FKBP5: variants seen among roughly 807,000 people sequenced by gnomAD.
The protein encoded by FKBP5 is peptidyl-prolyl cis-trans isomerase FKBP5.
In FKBP5, 23 loss-of-function variants were observed where a neutral mutation model predicts 50.5. The observed-to-expected ratio is 0.46, with a 90% confidence interval of 0.33 to 0.65. The LOEUF (loss-of-function observed/expected upper bound fraction) is 0.65, where lower values mean the gene tolerates loss of function less well. Ranked by LOEUF, FKBP5 falls within the 30% of genes least tolerant of loss-of-function variation. The pLI, the probability that FKBP5 is intolerant of heterozygous loss-of-function variation, is 0.02. For missense variants in FKBP5, 411 were observed against 553.1 expected, an observed-to-expected ratio of 0.74 and a Z score of 2.58; for synonymous variants, 176 against 190.6, an observed-to-expected ratio of 0.92 and a Z score of 0.63.
intron 6 of FKBP5, among the ~76,000 whole-genome samples, chr6:35,591,850 C>T (rs1762831149): frequency 6.6e-6 from 1 of 152,188 alleles, no homozygotes; most frequent in Admixed American, 6.5e-5. Flanking sequence ...CTAGCAAGTT[C>T]TGACACCTCC....
chr6:35,671,177 T>C (rs1765376492), intron 1 of FKBP5, among the ~76,000 whole-genome samples: 1 of 151,750 alleles, frequency 6.6e-6, no homozygotes. Context: ...GGTGGAAGGA[T>C]TGCTTGAGCC....
At chr6:35,701,724 A>G (rs568068370) in intron 2 of FKBP5, among the ~76,000 whole-genome samples, 32 of 151,432 alleles carry the variant, frequency 2.1e-4, no homozygotes, top group Non-Finnish European at 4.6e-4. Flanking sequence ...TATTTTTTGT[A>G]GAGACAGGGT....
At chr6:35,651,149 T>C (rs1300817620) in intron 1 of FKBP5, among the ~76,000 whole-genome samples, 1 of 152,192 alleles carries the variant, frequency 6.6e-6, no homozygotes, top group Non-Finnish European at 1.5e-5. Context: ...TTTGCTTATA[T>C]ATAGAAGAAG....
intron 2 of FKBP5, among the ~76,000 whole-genome samples, chr6:35,640,087 G>C (rs947384014): frequency 6.6e-6 from 1 of 152,216 alleles, no homozygotes; most frequent in African/African-American, 2.4e-5. Flanking sequence ...ACGTGAAAAT[G>C]ATTAACTATA....
chr6:35,694,323 T>G (rs925953164), intron 2 of FKBP5, among the ~76,000 whole-genome samples: 3 of 151,964 alleles, frequency 2.0e-5, no homozygotes, highest in African/African-American at 7.3e-5. Flanking sequence ...TTTTTTTTAT[T>G]TGTAGCGACA....
intron 1 of FKBP5, among the ~76,000 whole-genome samples, chr6:35,683,022 A>G (rs923955739): frequency 2.0e-5 from 3 of 151,474 alleles, no homozygotes; most frequent in Non-Finnish European, 4.4e-5. Context: ...GTGTGTATAT[A>G]TATGTCTCTT....
At chr6:35,586,859 T>TC (rs201661401) in intron 8 of FKBP5, 175 bp downstream of exon 8, 1 of 1,445,354 alleles carries the variant, frequency 6.9e-7, no homozygotes, top group East Asian at 2.5e-5. Context: ...TTTTTTTTTT[T>TC]CCACATGATT....
chr6:35,583,741 T>A, intron 8 of FKBP5: 1 of 973,320 alleles, frequency 1.0e-6, no homozygotes, highest in Non-Finnish European at 1.2e-6. Flanking sequence ...CTCCAAATGT[T>A]GATAGTACTG....
At chr6:35,578,768 CA>C (rs11376572) in intron 9 of FKBP5, among the ~76,000 whole-genome samples, 73 of 134,840 alleles carry the variant, frequency 5.4e-4, no homozygotes, top group Non-Finnish European at 5.5e-4. Flanking sequence ...ACTCCATCTC[CA>C]AAAAAAAAAA....
chr6:35,592,410 T>C (rs969092259), intron 6 of FKBP5, among the ~76,000 whole-genome samples: 9 of 152,134 alleles, frequency 5.9e-5, no homozygotes, highest in Admixed American at 5.2e-4. Context: ...AAAAGAGGAA[T>C]AGAGATACGA....
At chr6:35,601,984 G>A (rs1382611010) in intron 5 of FKBP5, among the ~76,000 whole-genome samples, 1 of 152,198 alleles carries the variant, frequency 6.6e-6, no homozygotes, top group Non-Finnish European at 1.5e-5. Flanking sequence ...CGCAATCGGA[G>A]TGTAACCACA....
At chr6:35,601,768 A>G (rs1241776549) in intron 5 of FKBP5, among the ~76,000 whole-genome samples, 1 of 152,206 alleles carries the variant, frequency 6.6e-6, no homozygotes, top group Non-Finnish European at 1.5e-5. Flanking sequence ...ATTTACGGGA[A>G]GTAAATCATC....
chr6:35,651,528 G>T (rs2150994448), intron 1 of FKBP5, among the ~76,000 whole-genome samples: 1 of 152,268 alleles, frequency 6.6e-6, no homozygotes, highest in South Asian at 2.1e-4. Context: ...ACAGTTATAT[G>T]TTGGGGAGTC....
chr6:35,678,380 G>C (rs186876557), intron 1 of FKBP5, among the ~76,000 whole-genome samples: 1 of 152,280 alleles, frequency 6.6e-6, no homozygotes, highest in East Asian at 1.9e-4. Context: ...AGAGGTGGCA[G>C]TTAAAGCACT....
chr6:35,720,757 G>C (rs1029539384), intron 1 of FKBP5, among the ~76,000 whole-genome samples: 1 of 152,068 alleles, frequency 6.6e-6, no homozygotes, highest in Admixed American at 6.5e-5. Context: ...TTGGAGCCAC[G>C]ATCATCCTGC....
At chr6:35,584,512 A>C in intron 8 of FKBP5, 1 of 985,500 alleles carries the variant, frequency 1.0e-6, no homozygotes, top group Non-Finnish European at 1.2e-6. Context: ...TGGAAAGACA[A>C]GGCCCGGGAG....
chr6:35,659,960 G>A (rs139648770), intron 1 of FKBP5, among the ~76,000 whole-genome samples: 1,237 of 79,518 alleles, frequency 0.016, 430 homozygotes, highest in African/African-American at 0.047. Flanking sequence ...TAAGGTGAAA[G>A]CTGAGGACAC....
At chr6:35,649,839 C>G (rs900445401) in intron 1 of FKBP5, among the ~76,000 whole-genome samples, 1 of 152,094 alleles carries the variant, frequency 6.6e-6, no homozygotes, top group African/African-American at 2.4e-5. Context: ...TCACTTAGTT[C>G]CAGCTAAATT....
At chr6:35,667,673 G>A (rs543417855) in intron 1 of FKBP5, among the ~76,000 whole-genome samples, 66 of 152,342 alleles carry the variant, frequency 4.3e-4, no homozygotes, top group Admixed American at 1.2e-3. Flanking sequence ...CTGAGGTCAA[G>A]AGTTTGAGAT....
Sources: allele counts gnomAD v4.1 joint callset (sites outside exome capture counted in the v4.1 genomes callset), GRCh38; gene constraint gnomAD v4.1.1; transcripts MANE v1.5; gene names NCBI Gene and HGNC (gene_info 2026-07-23, HGNC 2026-07-21).